The following ATP8A2 variants were observed in gnomAD, a reference collection of about 807,000 sequenced individuals.
The protein encoded by ATP8A2 is phospholipid-transporting ATPase IB.
In ATP8A2, 100 loss-of-function variants were observed where a neutral mutation model predicts 165.6. The ratio of observed to expected loss-of-function variants is 0.60; its 90% CI spans 0.51 to 0.71. ATP8A2 has a LOEUF of 0.71. Among genes scored for constraint, ATP8A2 ranks in the 30% least tolerant of loss-of-function variants. ATP8A2 has a pLI of 0.00. For missense variants in ATP8A2, 1,227 were observed against 1,479.5 expected (o/e 0.83, Z 2.80); for synonymous variants, 543 against 548.8 (o/e 0.99, Z 0.15).
intron 16 of ATP8A2, among the ~76,000 whole-genome samples, chr13:25,568,690 G>T (rs2039385588): frequency 6.6e-6 from 1 of 152,000 alleles, no homozygotes; most frequent in Non-Finnish European, 1.5e-5. Flanking sequence ...TAGTGGTGAT[G>T]GCTGTGTAGC....
At chr13:25,651,855 T>C (rs2041820538) in intron 24 of ATP8A2, among the ~76,000 whole-genome samples, 1 of 152,198 alleles carries the variant, frequency 6.6e-6, no homozygotes, top group Non-Finnish European at 1.5e-5. Flanking sequence ...TATCTCTGTT[T>C]TTCTTTAATT....
rs969708449 is a variant in ATP8A2 at position 25,579,897 on chromosome 13, T to C, written c.1957T>C (p.Leu653=). The C allele has an allele frequency of 5.6e-6, 9 of 1,613,916 alleles. No individual in the cohort carries two copies. In the African/African-American group the frequency reaches 1.2e-4, roughly 22 times the overall value. ...AGTCTATCAGGAAGCCAGCACCATATTGAAGGACAGAGCTCAACGGTTGGA... is the reference window on the plus strand; with the variant it reads ...AGTCTATCAGGAAGCCAGCACCATACTGAAGGACAGAGCTCAACGGTTGGA... ...LKVYQEASTI[L]KDRAQRLEEC... Residue 653 remains leucine, a synonymous_variant, in exon 22 of 37, where the codon TTG becomes CTG. Coordinates refer to ENST00000381655, the MANE Select transcript of ATP8A2 (RefSeq NM_016529.6).
At chr13:25,527,574 A>G (rs2037880908) in intron 2 of ATP8A2, among the ~76,000 whole-genome samples, 1 of 152,152 alleles carries the variant, frequency 6.6e-6, no homozygotes, top group Non-Finnish European at 1.5e-5. Context: ...CTTTTCCTGG[A>G]TGAATGTTAA....
chr13:25,470,757 T>C (rs2035819739), intron 2 of ATP8A2, among the ~76,000 whole-genome samples: 1 of 152,150 alleles, frequency 6.6e-6, no homozygotes, highest in Non-Finnish European at 1.5e-5. Context: ...AGTATATCCA[T>C]ACAGTGCAAT....
intron 36 of ATP8A2, among the ~76,000 whole-genome samples, chr13:26,019,084 A>G (rs1383749104): frequency 6.6e-6 from 1 of 152,200 alleles, no homozygotes; most frequent in Non-Finnish European, 1.5e-5. Flanking sequence ...ACTTATTACC[A>G]GTCCAGATCA....
intron 33 of ATP8A2, among the ~76,000 whole-genome samples, chr13:25,947,810 CCT>C (rs767365558): frequency 3.3e-5 from 5 of 152,074 alleles, no homozygotes; most frequent in South Asian, 2.1e-4. Flanking sequence ...GCAATCATCC[CCT>C]CTTTTCTCAT....
chr13:25,802,117 T>C (rs1950634577), intron 27 of ATP8A2, among the ~76,000 whole-genome samples: 1 of 152,198 alleles, frequency 6.6e-6, no homozygotes, highest in Admixed American at 6.5e-5. Context: ...ACGTTAGAGA[T>C]TCGTTGTATG....
intron 1 of ATP8A2, among the ~76,000 whole-genome samples, chr13:25,432,311 C>T (rs369003454): frequency 1.3e-5 from 2 of 152,300 alleles, no homozygotes; most frequent in African/African-American, 4.8e-5. Context: ...TGTGTGTCCA[C>T]GTGTTTGGGT....
chr13:25,599,650 C>T (rs2040329945), intron 24 of ATP8A2, among the ~76,000 whole-genome samples: 2 of 152,156 alleles, frequency 1.3e-5, no homozygotes, highest in African/African-American at 4.8e-5. Flanking sequence ...GGCCAGTTAT[C>T]TCTGATTTTG....
chr13:25,821,428 A>G (rs189648486), intron 27 of ATP8A2, among the ~76,000 whole-genome samples: 8 of 152,332 alleles, frequency 5.3e-5, no homozygotes, highest in African/African-American at 1.7e-4. Context: ...AATAATTTAC[A>G]AAGTTATGTG....
At chr13:25,954,645 T>C (rs1033559673) in intron 33 of ATP8A2, among the ~76,000 whole-genome samples, 1 of 152,204 alleles carries the variant, frequency 6.6e-6, no homozygotes, top group Non-Finnish European at 1.5e-5. Flanking sequence ...CCCTCTGGGA[T>C]GAAGCTTCTG....
intron 2 of ATP8A2, among the ~76,000 whole-genome samples, chr13:25,513,713 G>C (rs1489200736): frequency 2.0e-5 from 3 of 152,154 alleles, no homozygotes; most frequent in Non-Finnish European, 4.4e-5. Flanking sequence ...CCGGCACCTC[G>C]GGAGGCCGAG....
chr13:25,450,849 C>G (rs2035206841), intron 1 of ATP8A2, among the ~76,000 whole-genome samples: 2 of 152,088 alleles, frequency 1.3e-5, no homozygotes, highest in African/African-American at 4.8e-5. Flanking sequence ...TCTTAAACCC[C>G]TGGGCTCAAG....
intron 35 of ATP8A2, among the ~76,000 whole-genome samples, chr13:25,990,261 T>TAAAAAAA (rs3056351): frequency 3.7e-5 from 4 of 108,358 alleles, no homozygotes; most frequent in African/African-American, 1.0e-4. Context: ...CATGTAACTG[T>TAAAAAAA]AAAAAAAAAA....
chr13:25,920,413 A>T lies in ATP8A2; in HGVS notation c.3184-41162A>T, dbSNP rs544093441. 5.9e-3 allele frequency among the ~76,000 whole-genome samples: 895 copies of T among 152,182 alleles called. 6 individuals are homozygous for T. Among genetic ancestry groups the T allele is most frequent in the African/African-American group, 0.02 (831 of 41,516 alleles). On this transcript the variant is annotated intron_variant, in intron 33 of 36. Transcript: ENST00000381655. ...CTACACACATTATTAACACACACAC[A>T]CACATCCTAAGCTCGGCACTTGTGA...
intron 1 of ATP8A2, among the ~76,000 whole-genome samples, chr13:25,441,081 G>T (rs1377511886): frequency 2.6e-5 from 4 of 152,116 alleles, no homozygotes; most frequent in African/African-American, 9.7e-5. Context: ...GGATCAGGAT[G>T]TTTCTGTTAC....
chr13:25,919,671 C>T (rs1031205674), intron 33 of ATP8A2, among the ~76,000 whole-genome samples: 1 of 152,170 alleles, frequency 6.6e-6, no homozygotes, highest in Non-Finnish European at 1.5e-5. Flanking sequence ...CCCTCATACT[C>T]TGAAACTAGT....
chr13:25,571,320 A>G (rs1175368317), intron 17 of ATP8A2, among the ~76,000 whole-genome samples: 1 of 152,188 alleles, frequency 6.6e-6, no homozygotes, highest in Non-Finnish European at 1.5e-5. Flanking sequence ...TCATGGGACT[A>G]TTAGGTTCAT....
At chr13:25,547,551 C>T (rs1242604277) in intron 10 of ATP8A2, among the ~76,000 whole-genome samples, 1 of 152,144 alleles carries the variant, frequency 6.6e-6, no homozygotes, top group Non-Finnish European at 1.5e-5. Context: ...GCTCAGGGCT[C>T]CCACTGATTC....
Sources: allele counts gnomAD v4.1 joint callset (sites outside exome capture counted in the v4.1 genomes callset), GRCh38; gene constraint gnomAD v4.1.1; transcripts MANE v1.5; gene names NCBI Gene and HGNC (gene_info 2026-07-23, HGNC 2026-07-21).